Variants in KCNN1 observed in about 807,000 individuals in gnomAD.
The protein encoded by KCNN1 is potassium calcium-activated channel subfamily N member 1, also known as small conductance calcium-activated potassium channel protein 1.
A neutral mutation model predicts 44.7 loss-of-function variants in KCNN1; 20 were observed. That is an observed-to-expected ratio of 0.45 (90% CI 0.32 to 0.65). The LOEUF (loss-of-function observed/expected upper bound fraction) is 0.65. Ranked by LOEUF, KCNN1 falls within the 30% of genes least tolerant of loss-of-function variation. The pLI is 0.05. For synonymous variants in KCNN1, 324 were observed against 341.7 expected (o/e 0.95, Z 0.57); for missense variants, 632 against 785.3 (o/e 0.80, Z 2.33).
chr19:17,960,553 G>T (rs965403295), intron 2 of KCNN1, among the ~76,000 whole-genome samples: 2 of 151,632 alleles, frequency 1.3e-5, no homozygotes, highest in Non-Finnish European at 2.9e-5. Flanking sequence ...TCGCTTGAAC[G>T]TGGGAGGCGG....
intron 1 of KCNN1, among the ~76,000 whole-genome samples, chr19:17,953,585 A>C (rs2031471518): frequency 6.6e-6 from 1 of 152,210 alleles, no homozygotes; most frequent in South Asian, 2.1e-4. Context: ...CACTAAATAG[A>C]TGGAGGGAGC....
At chr19:17,990,349 T>C (rs1398225493) in intron 7 of KCNN1, among the ~76,000 whole-genome samples, 3 of 151,162 alleles carry the variant, frequency 2.0e-5, no homozygotes, top group Admixed American at 6.6e-5. Context: ...CTGGGTGTGG[T>C]GGTGTGCCTC....
In KCNN1 at chr19:17,993,557, A is replaced by G; in HGVS notation, c.1375A>G (p.Lys459Glu). 1 of 1,613,744 alleles carries G rather than the reference A, an allele frequency of 6.2e-7. No individual in the cohort carries two copies. The highest frequency in any genetic ancestry group is 8.5e-7 in the Non-Finnish European group (1 of 1,179,728). Residue 459 changes from lysine (K) to glutamate (E), a missense_variant and splice_region_variant, in exon 9 of 10, where the codon AAG (lysine) becomes GAG (glutamate). By Grantham distance (56) the Lys-to-Glu change is moderately conservative. Transcript: ENST00000684775. The surrounding 1 kb of genome is among the most constrained non-coding windows in gnomAD (Gnocchi z 4.5). ...GGCTAACACGCTTACCGACCTAGCC[A>G]AGGTGAGTGGGTTGGGGCAGGGTGG... ...DQANTLTDLA[K>E]TQTVMYDLVS...
At chr19:17,962,506 G>A (rs1308380360), upstream of KCNN1, among the ~76,000 whole-genome samples, 2 of 152,102 alleles carry the variant, frequency 1.3e-5, no homozygotes, top group African/African-American at 4.8e-5. Context: ...TACCACCACA[G>A]TGTCCCTGCC....
In KCNN1 at chr19:17,967,277, C is replaced by A. The variant is rs1468870934; in HGVS notation, c.-122C>A. Reference sequence around the variant, plus strand: ...GGTCCGCGGCCGCGCGGGACCCTCTCCCCTCCAGCCTTGTCCGCCCGCTCG... The same window carrying A: ...GGTCCGCGGCCGCGCGGGACCCTCTACCCTCCAGCCTTGTCCGCCCGCTCG... On this transcript the variant is annotated 5_prime_UTR_variant, in exon 1 of 10. Coordinates refer to ENST00000684775, the MANE Select transcript of KCNN1 (RefSeq NM_001386974.1). 7.1e-6 allele frequency: 7 copies of A among 985,344 alleles called. No homozygotes were observed. The African/African-American group carries it at 1.0e-4, about 15-fold the overall frequency. The allele number at this position is 985,344 out of a possible 1,614,324, so 61.0% of individuals were successfully genotyped here. A position where few individuals can be genotyped will look rare whatever the true frequency, so the allele number is the denominator to read the frequency against.
rs965415545 is a variant in KCNN1, at chr19:17,999,752, G to A, written c.*1346G>A. ...GAGGCCTGGCTCCTGGGGAGACGACGCTGTGCATAGCCGAGGAGCCCCAGG... is the reference window on the plus strand; with the variant it reads ...GAGGCCTGGCTCCTGGGGAGACGACACTGTGCATAGCCGAGGAGCCCCAGG... On this transcript the variant is annotated 3_prime_UTR_variant, in exon 10 of 10. Transcript: ENST00000684775. The A allele has an allele frequency of 4.3e-5, 14 of 323,322 alleles. No homozygotes were observed. Among genetic ancestry groups the A allele is most frequent in the Non-Finnish European group, 4.4e-5 (7 of 159,494 alleles). 20.0% of individuals were successfully genotyped at this position (323,322 alleles called of 1,614,324 possible).
intron 3 of KCNN1, among the ~76,000 whole-genome samples, chr19:17,980,767 G>A (rs1216767519): frequency 6.6e-6 from 1 of 151,914 alleles, no homozygotes; most frequent in Non-Finnish European, 1.5e-5. Flanking sequence ...GCCAGGCATG[G>A]TGTTGCATGC....
At chr19:17,965,228 C>T (rs907472368), upstream of KCNN1, among the ~76,000 whole-genome samples, 14 of 150,450 alleles carry the variant, frequency 9.3e-5, no homozygotes, top group Admixed American at 3.3e-4. Context: ...GAGTGGAGAT[C>T]GTGCTGCTGC....
At chr19:17,972,500 C>T (rs1015321092) in intron 1 of KCNN1, among the ~76,000 whole-genome samples, 4 of 152,172 alleles carry the variant, frequency 2.6e-5, no homozygotes, top group Non-Finnish European at 5.9e-5. Flanking sequence ...CCTGCAGAAT[C>T]GATTCTAGAT....
At chr19:17,985,670 G>A (rs757171338) in intron 5 of KCNN1, among the ~76,000 whole-genome samples, 3 of 152,140 alleles carry the variant, frequency 2.0e-5, no homozygotes, top group Non-Finnish European at 2.9e-5. Flanking sequence ...ACATCTCCAT[G>A]CGGTCCTTCC....
chr19:17,978,292 A>T (rs2032277092), intron 3 of KCNN1, among the ~76,000 whole-genome samples: 2 of 150,850 alleles, frequency 1.3e-5, no homozygotes, highest in Non-Finnish European at 3.0e-5. Flanking sequence ...ACACCTGGCC[A>T]ATTTTTGTAT....
At chr19:17,982,976 G>C (rs530430175) in intron 4 of KCNN1, among the ~76,000 whole-genome samples, 1 of 151,770 alleles carries the variant, frequency 6.6e-6, no homozygotes, top group Non-Finnish European at 1.5e-5. Flanking sequence ...GGACGCGGAG[G>C]TTGCAGTGAG....
At chr19:17,951,313 C>G (rs2031401968) in exon 1 of KCNN1, 1 of 152,390 alleles carries the variant, frequency 6.6e-6, no homozygotes, top group African/African-American at 2.4e-5. Context: ...GTGGTCTGAG[C>G]TGGAGCCACG....
In KCNN1 at chr19:17,993,871, C is replaced by G. The variant is rs1230278298; in HGVS notation, c.1377+312C>G. On this transcript the variant is annotated intron_variant, in intron 9 of 9. Transcript: ENST00000684775. The surrounding 1 kb of genome is among the most constrained non-coding windows in gnomAD (Gnocchi z 4.5). The stretch of plus-strand genomic sequence containing the variant: ...GCTGCAGTGAGCCGAGATGGCACCA[C>G]TGCAGTCCAGCCTGGGTGACAGAGT... Among the ~76,000 whole-genome samples the G allele has an allele frequency of 1.3e-5, 2 of 152,068 alleles. No homozygotes were observed. Among genetic ancestry groups the G allele is most frequent in the Non-Finnish European group, 2.9e-5 (2 of 68,006 alleles).
chr19:17,984,157 T>C (rs2032517530), intron 4 of KCNN1, among the ~76,000 whole-genome samples: 1 of 146,922 alleles, frequency 6.8e-6, no homozygotes, highest in Non-Finnish European at 1.5e-5. Context: ...AGAGAGATAT[T>C]GTCTCAAAAA....
chr19:17,991,172 GA>G (rs1460916708), intron 7 of KCNN1, among the ~76,000 whole-genome samples: 2 of 151,534 alleles, frequency 1.3e-5, no homozygotes, highest in Non-Finnish European at 2.9e-5. Flanking sequence ...AAAATAAAGC[GA>G]GGCGTGGTGA....
intron 4 of KCNN1, 33 bp downstream of exon 4, chr19:17,982,160 C>T: frequency 6.8e-7 from 1 of 1,464,490 alleles, no homozygotes; most frequent in Non-Finnish European, 9.1e-7. Flanking sequence ...CCCCCCAGCC[C>T]CCAGCCCCCG....
rs973068020 is a variant in KCNN1 at position 17,987,836 on chromosome 19, C to CAA, written c.1060-559_1060-558dup. 3.9e-3 allele frequency among the ~76,000 whole-genome samples: 210 copies of CAA among 54,540 alleles called. 3 individuals carry two copies. Among genetic ancestry groups the CAA allele is most frequent in the African/African-American group, 0.011 (167 of 14,776 alleles). The allele number at this position is 54,540 out of a possible 152,430, so 35.8% of individuals were successfully genotyped here. A position where few individuals can be genotyped will look rare whatever the true frequency, so the allele number is the denominator to read the frequency against. ...ACATAGTGAGACCCCATATCGCTAC[C>CAA]AAAAAAAAAAAAAAAAAAAAACAGG... On this transcript the variant is annotated intron_variant, in intron 5 of 9. Coordinates refer to ENST00000684775, the MANE Select transcript of KCNN1 (RefSeq NM_001386974.1).
Position 17,982,030 on chromosome 19 carries a change from A to C in KCNN1, c.820A>C (p.Met274Leu). The part of the protein sequence containing the change: ...NKITFNTRFV[M>L]KTLMTICPGT... ...GATCACCTTCAACACGCGCTTCGTCATGAAGACACTCATGACCATCTGCCC... is the reference window on the plus strand; with the variant it reads ...GATCACCTTCAACACGCGCTTCGTCCTGAAGACACTCATGACCATCTGCCC... The change falls in exon 4 of 10, where the codon ATG (methionine) becomes CTG (leucine). Residue 274 changes from methionine (M) to leucine (L), a missense_variant. Coordinates refer to ENST00000684775, the MANE Select transcript of KCNN1 (RefSeq NM_001386974.1). The C allele has an allele frequency of 6.2e-7, 1 of 1,610,180 alleles. No homozygotes were observed. Among genetic ancestry groups the C allele is most frequent in the Non-Finnish European group, 8.5e-7 (1 of 1,178,430 alleles).
Sources: allele counts gnomAD v4.1 joint callset (sites outside exome capture counted in the v4.1 genomes callset), GRCh38; gene constraint gnomAD v4.1.1; non-coding constraint Gnocchi (gnomAD v3.1); transcripts MANE v1.5; gene names NCBI Gene and HGNC (gene_info 2026-07-23, HGNC 2026-07-21).